Variants in MYO6 observed in about 807,000 individuals in gnomAD.
MYO6 encodes the protein unconventional myosin-VI.
In MYO6, 74 loss-of-function variants were observed where a neutral mutation model predicts 178.7. That is an observed-to-expected ratio of 0.41 (90% CI 0.34 to 0.50). MYO6 has a LOEUF of 0.50. Among genes scored for constraint, MYO6 ranks in the 20% least tolerant of loss-of-function variants. MYO6 has a pLI of 0.09. For missense variants in MYO6, 1,330 were observed against 1,547.4 expected (o/e 0.86, Z 2.36); for synonymous variants, 477 against 504.6 (o/e 0.95, Z 0.73).
At chr6:75,789,438 G>C (rs1218191231) in intron 1 of MYO6, among the ~76,000 whole-genome samples, 1 of 152,038 alleles carries the variant, frequency 6.6e-6, no homozygotes, top group Non-Finnish European at 1.5e-5. Flanking sequence ...AATCAAACCT[G>C]TGGTTGTTCA....
At chr6:75,883,979 G>T (rs889961264) in intron 23 of MYO6, among the ~76,000 whole-genome samples, 1 of 152,114 alleles carries the variant, frequency 6.6e-6, no homozygotes, top group Non-Finnish European at 1.5e-5. Flanking sequence ...AAAGAAAAAA[G>T]ATAGCAGAAT....
intron 1 of MYO6, among the ~76,000 whole-genome samples, chr6:75,797,340 G>A (rs1388625704): frequency 5.3e-5 from 8 of 152,130 alleles, no homozygotes; most frequent in Non-Finnish European, 1.0e-4. Flanking sequence ...TGATCCACCC[G>A]CCTTGGCCTC....
At chr6:75,825,330 C>T (rs1218680622) in intron 3 of MYO6, among the ~76,000 whole-genome samples, 3 of 152,178 alleles carry the variant, frequency 2.0e-5, no homozygotes, top group Non-Finnish European at 2.9e-5. Flanking sequence ...CAGTGGCCCA[C>T]TCCTGTAATC....
chr6:75,902,417 T>G (rs1372311099), intron 30 of MYO6, among the ~76,000 whole-genome samples: 4 of 152,260 alleles, frequency 2.6e-5, no homozygotes, highest in East Asian at 1.9e-4. Context: ...GTTATTGGTC[T>G]ATTCAGAGAT....
At chr6:75,756,031 C>T (rs1582968871) in intron 1 of MYO6, among the ~76,000 whole-genome samples, 1 of 152,148 alleles carries the variant, frequency 6.6e-6, no homozygotes, top group South Asian at 2.1e-4. Flanking sequence ...CTGTTACCAA[C>T]CTGCTTTGAT....
At chr6:75,906,741 G>C (rs976626412) in intron 30 of MYO6, among the ~76,000 whole-genome samples, 1 of 152,100 alleles carries the variant, frequency 6.6e-6, no homozygotes, top group Non-Finnish European at 1.5e-5. Flanking sequence ...AAAGCACTGC[G>C]TAGCACTGTT....
At chr6:75,909,634 C>T (rs1780607428) in intron 32 of MYO6, among the ~76,000 whole-genome samples, 2 of 152,072 alleles carry the variant, frequency 1.3e-5, no homozygotes, top group Non-Finnish European at 2.9e-5. Context: ...GTGTGATATG[C>T]GAGTTGTAAT....
intron 15 of MYO6, among the ~76,000 whole-genome samples, chr6:75,861,415 A>G (rs935401738): frequency 6.6e-6 from 1 of 152,256 alleles, no homozygotes; most frequent in Non-Finnish European, 1.5e-5. Flanking sequence ...GAGGAAGTCC[A>G]TAGTTAGGCC....
At chr6:75,755,648 G>A (rs1392359008) in intron 1 of MYO6, among the ~76,000 whole-genome samples, 2 of 152,298 alleles carry the variant, frequency 1.3e-5, no homozygotes, top group African/African-American at 4.8e-5. Flanking sequence ...TTGTGCATTG[G>A]TAGTGATCCG....
chr6:75,900,260 A>T (rs1779646271), intron 30 of MYO6, among the ~76,000 whole-genome samples: 1 of 152,136 alleles, frequency 6.6e-6, no homozygotes, highest in Non-Finnish European at 1.5e-5. Context: ...CAGAAATGGG[A>T]TGGCTGGGTC....
At chr6:75,773,082 T>C (rs938705650) in intron 1 of MYO6, among the ~76,000 whole-genome samples, 1 of 152,160 alleles carries the variant, frequency 6.6e-6, no homozygotes, top group Non-Finnish European at 1.5e-5. Flanking sequence ...TGAAATAATA[T>C]AGTTGGTGCA....
intron 1 of MYO6, among the ~76,000 whole-genome samples, chr6:75,775,922 C>T (rs1433028859): frequency 1.3e-5 from 2 of 152,020 alleles, no homozygotes; most frequent in African/African-American, 4.8e-5. Flanking sequence ...TGGTGTTTTT[C>T]GTTTTGTTTT....
rs556220958 is a variant in MYO6, at chr6:75,838,730, C to T, written c.554-1855C>T. 5.4e-4 allele frequency among the ~76,000 whole-genome samples: 81 copies of T among 149,972 alleles called. 1 individual carries two copies. The highest frequency in any genetic ancestry group is 3.7e-4 in the Non-Finnish European group (25 of 67,664). On this transcript the variant is annotated intron_variant, in intron 7 of 34. Coordinates refer to ENST00000369977, the MANE Select transcript of MYO6 (RefSeq NM_004999.4). ...ATGCTGGCGTGCAGTGGCAAGATCT[C>T]GGCTCACCTCAACCTCCATCTCCCG...
chr6:75,789,819 G>A (rs1349726861), intron 1 of MYO6, among the ~76,000 whole-genome samples: 1 of 152,108 alleles, frequency 6.6e-6, no homozygotes, highest in East Asian at 1.9e-4. Context: ...ACCCTACTGT[G>A]TAACAACACC....
chr6:75,859,579 C>A (rs964091940), intron 14 of MYO6, among the ~76,000 whole-genome samples: 7 of 151,950 alleles, frequency 4.6e-5, no homozygotes, highest in Non-Finnish European at 8.8e-5. Context: ...GGCTTACAGG[C>A]GTGAGCCACC....
intron 30 of MYO6, among the ~76,000 whole-genome samples, chr6:75,903,018 C>T (rs1365036682): frequency 6.6e-6 from 1 of 151,982 alleles, no homozygotes; most frequent in Non-Finnish European, 1.5e-5. Flanking sequence ...TGTTCAGTTT[C>T]CATGTAGTTG....
intron 1 of MYO6, among the ~76,000 whole-genome samples, chr6:75,754,069 C>T (rs1372402950): frequency 1.3e-5 from 2 of 152,146 alleles, no homozygotes; most frequent in East Asian, 3.8e-4. Flanking sequence ...ATTTTTTATA[C>T]AGAAGGCATG....
chr6:75,833,000 C>T (rs1303184933), intron 6 of MYO6, 53 bp downstream of exon 6: 6 of 1,274,546 alleles, frequency 4.7e-6, no homozygotes, highest in Non-Finnish European at 6.9e-6. Context: ...TTTTTTTCCC[C>T]CCTTGAGATA....
chr6:75,914,747 C>A, intron 34 of MYO6, 66 bp from the exon 35 acceptor site: 1 of 1,423,916 alleles, frequency 7.0e-7, no homozygotes, highest in Non-Finnish European at 9.9e-7. Context: ...GTATTTCAGG[C>A]ATACAACTGG....
Sources: allele counts gnomAD v4.1 joint callset (sites outside exome capture counted in the v4.1 genomes callset), GRCh38; gene constraint gnomAD v4.1.1; transcripts MANE v1.5; gene names NCBI Gene and HGNC (gene_info 2026-07-23, HGNC 2026-07-21).